The following PHKB variants were observed in gnomAD, a reference collection of about 807,000 sequenced individuals.
PHKB encodes the protein phosphorylase b kinase regulatory subunit beta.
In PHKB, 122 loss-of-function variants were observed where a neutral mutation model predicts 152.1. The ratio of observed to expected loss-of-function variants is 0.80; its 90% CI spans 0.69 to 0.93. The LOEUF is 0.93. PHKB is among the 40% of genes least tolerant of loss of function. PHKB has a pLI of 0.00. For missense variants in PHKB, 1,304 were observed against 1,328.4 expected (o/e 0.98, Z 0.29); for synonymous variants, 436 against 464.9 (o/e 0.94, Z 0.80).
intron 14 of PHKB, among the ~76,000 whole-genome samples, chr16:47,634,766 A>T (rs897782982): frequency 6.6e-6 from 1 of 152,236 alleles, no homozygotes; most frequent in Non-Finnish European, 1.5e-5. Flanking sequence ...TGGCTAAAAC[A>T]TGGTGAAGAA....
chr16:47,605,673 C>T (rs532725189), intron 13 of PHKB, among the ~76,000 whole-genome samples: 3 of 151,680 alleles, frequency 2.0e-5, no homozygotes, highest in South Asian at 2.1e-4. Context: ...AGTTATATGT[C>T]GATATCTGCT....
chr16:47,506,025 C>G (rs1015116222), intron 4 of PHKB, among the ~76,000 whole-genome samples: 14 of 123,180 alleles, frequency 1.1e-4, no homozygotes, highest in Non-Finnish European at 2.3e-4. Flanking sequence ...GGGAAACTGT[C>G]TCAAAAAAAA....
intron 4 of PHKB, among the ~76,000 whole-genome samples, chr16:47,503,956 C>G (rs761860495): frequency 2.0e-5 from 3 of 152,218 alleles, no homozygotes; most frequent in Non-Finnish European, 2.9e-5. Context: ...CCCTTACTTA[C>G]CTACATCTCT....
chr16:47,648,439 C>T, intron 16 of PHKB, 94 bp from the exon 17 acceptor site: 1 of 921,460 alleles, frequency 1.1e-6, no homozygotes, highest in Non-Finnish European at 1.8e-6. Flanking sequence ...TTCTTTCTCT[C>T]TGGAAAGATC....
At chr16:47,536,049 G>T (rs1290757877) in intron 6 of PHKB, among the ~76,000 whole-genome samples, 5 of 152,126 alleles carry the variant, frequency 3.3e-5, no homozygotes, top group Non-Finnish European at 7.4e-5. Flanking sequence ...AAATGGTTAT[G>T]ATATTTATTT....
chr16:47,497,724 G>T (rs1464397347), intron 2 of PHKB, among the ~76,000 whole-genome samples: 1 of 152,066 alleles, frequency 6.6e-6, no homozygotes. Context: ...AATATCTTCT[G>T]TGTTTTTTTA....
chr16:47,516,286 C>G (rs977991841), intron 6 of PHKB, among the ~76,000 whole-genome samples: 8 of 152,082 alleles, frequency 5.3e-5, no homozygotes, highest in African/African-American at 1.9e-4. Context: ...TAAAGAGAAA[C>G]TTTTATCCTG....
At chr16:47,480,404 G>A (rs1372454814) in intron 1 of PHKB, among the ~76,000 whole-genome samples, 1 of 152,150 alleles carries the variant, frequency 6.6e-6, no homozygotes, top group African/African-American at 2.4e-5. Flanking sequence ...TAATTTAAAA[G>A]AGAACAATAG....
At chr16:47,477,251 T>C (rs1969884256) in intron 1 of PHKB, among the ~76,000 whole-genome samples, 1 of 152,216 alleles carries the variant, frequency 6.6e-6, no homozygotes, top group Admixed American at 6.5e-5. Flanking sequence ...TAGATAATTA[T>C]ATATCTTTTT....
intron 7 of PHKB, chr16:47,566,063 G>T: frequency 1.5e-6 from 1 of 665,842 alleles, no homozygotes; most frequent in Non-Finnish European, 2.7e-6. Context: ...GGTACCCACT[G>T]CCAAATGCTT....
rs1971527814 is a variant in PHKB, at chr16:47,564,306, G to A, written c.711-15989G>A. ...TCATTCCCATCAATAGTGTATAAGT[G>A]TTCCCGTTTCACTGCATCCACACCA... On this transcript the variant is annotated intron_variant, in intron 7 of 30. Transcript: ENST00000323584. Among the ~76,000 whole-genome samples, 2 of 151,976 alleles carry A rather than the reference G, an allele frequency of 1.3e-5. 1 individual carries two copies. Among genetic ancestry groups the A allele is most frequent in the South Asian group, 4.2e-4 (2 of 4,812 alleles).
At chr16:47,566,080 C>A in intron 7 of PHKB, 1 of 658,618 alleles carries the variant, frequency 1.5e-6, no homozygotes, top group South Asian at 1.7e-5. Flanking sequence ...GCTTTTTTGC[C>A]ATTGCCTATC....
chr16:47,562,258 C>T (rs960785556), intron 7 of PHKB: 6 of 152,262 alleles, frequency 3.9e-5, no homozygotes, highest in African/African-American at 1.2e-4. Context: ...ATCTTCAGAG[C>T]CCAAAATGTG....
rs574112121 is a variant in PHKB, at chr16:47,504,002, G to A, written c.405+912G>A. The stretch of plus-strand genomic sequence containing the variant: ...GTCCTAATATAGTAAGTGCCCATAC[G>A]TGTACATCAATGCATATGGGTCCCT... On this transcript the variant is annotated intron_variant, in intron 4 of 30. Transcript: ENST00000323584. Among the ~76,000 whole-genome samples the A allele has an allele frequency of 3.3e-5, 5 of 152,188 alleles. No homozygotes were observed. The South Asian group carries it at 8.3e-4, about 25-fold the overall frequency.
At chr16:47,568,968 T>C (rs1441698369) in intron 7 of PHKB, among the ~76,000 whole-genome samples, 1 of 152,208 alleles carries the variant, frequency 6.6e-6, no homozygotes. Flanking sequence ...AAATGTTCCA[T>C]GTGCTGATGA....
At chr16:47,521,509 G>A (rs1241596854) in intron 6 of PHKB, among the ~76,000 whole-genome samples, 2 of 152,086 alleles carry the variant, frequency 1.3e-5, no homozygotes, top group Non-Finnish European at 2.9e-5. Flanking sequence ...ACAAAAATTA[G>A]CTTGGCTTGG....
chr16:47,501,234 A>G (rs1312322080), intron 3 of PHKB, among the ~76,000 whole-genome samples: 1 of 152,230 alleles, frequency 6.6e-6, no homozygotes, highest in Non-Finnish European at 1.5e-5. Context: ...ACATGAGTCT[A>G]CATATGAACA....
chr16:47,566,347 A>C, intron 7 of PHKB: 1 of 1,400,636 alleles, frequency 7.1e-7, no homozygotes, highest in Non-Finnish European at 1.0e-6. Context: ...TCACAGCCAG[A>C]AGAATGATCA....
At chr16:47,502,020 A>C (rs1303720736) in intron 3 of PHKB, among the ~76,000 whole-genome samples, 1 of 152,218 alleles carries the variant, frequency 6.6e-6, no homozygotes, top group Non-Finnish European at 1.5e-5. Flanking sequence ...CTTACTTTTT[A>C]CTGACATTCA....
Sources: allele counts gnomAD v4.1 joint callset (sites outside exome capture counted in the v4.1 genomes callset), GRCh38; gene constraint gnomAD v4.1.1; transcripts MANE v1.5; gene names NCBI Gene and HGNC (gene_info 2026-07-23, HGNC 2026-07-21).